CSMD1: variants seen among roughly 807,000 people sequenced by gnomAD.
CSMD1 encodes the protein CUB and Sushi multiple domains 1.
A neutral mutation model predicts 417.5 loss-of-function variants in CSMD1; 213 were observed. The ratio of observed to expected loss-of-function variants is 0.51; its 90% CI spans 0.46 to 0.57. CSMD1 has a LOEUF of 0.57. Among genes scored for constraint, CSMD1 ranks in the 20% least tolerant of loss-of-function variants. The pLI, the probability that CSMD1 is intolerant of heterozygous loss-of-function variation, is 0.00. For synonymous variants in CSMD1, 2,862 were observed against 1,736.8 expected (o/e 1.65, Z -16.11); for missense variants, 6,923 against 4,529.7 (o/e 1.53, Z -15.17).
intron 12 of CSMD1, among the ~76,000 whole-genome samples, chr8:3,409,947 G>C (rs1389021013): frequency 2.0e-5 from 3 of 152,274 alleles, no homozygotes; most frequent in Non-Finnish European, 1.5e-5. Context: ...GCAAATACCA[G>C]TTTAATTTTC....
intron 5 of CSMD1, among the ~76,000 whole-genome samples, chr8:3,798,607 T>G (rs990250145): frequency 3.9e-5 from 6 of 152,106 alleles, no homozygotes; most frequent in African/African-American, 1.2e-4. Flanking sequence ...AATATTAACT[T>G]TGCTTCCATG....
At position 2,978,640 on chromosome 8, in the gene CSMD1, T is replaced by G. The variant is rs950317008; in HGVS notation, c.8538A>C (p.Leu2846Phe). 2 of 1,602,130 alleles carry G rather than the reference T, an allele frequency of 1.2e-6. No individual in the cohort carries two copies. Among genetic ancestry groups the G allele is most frequent in the Admixed American group, 1.7e-5 (1 of 58,346 alleles). ...SSALTCMANG[L>F]WDRSLPKCLA... The stretch of plus-strand genomic sequence containing the variant: ...AACACTTGGGCAGGGATCGGTCCCA[T>G]AAGCCATTTGCCATACAGGTCAAGG... The change falls in exon 55 of 70, where the codon TTA becomes TTC. Residue 2846 changes from leucine (L) to phenylalanine (F), a missense_variant. Transcript: ENST00000635120.
chr8:4,586,820 G>C (rs1018561036), intron 2 of CSMD1, among the ~76,000 whole-genome samples: 11 of 152,162 alleles, frequency 7.2e-5, no homozygotes, highest in African/African-American at 2.4e-4. Flanking sequence ...CTGCACACAG[G>C]TCTGCACGCA....
intron 5 of CSMD1, among the ~76,000 whole-genome samples, chr8:3,786,586 A>C (rs1410479322): frequency 6.6e-6 from 1 of 152,266 alleles, no homozygotes; most frequent in South Asian, 2.1e-4. Context: ...ATGGACAGGA[A>C]AATCGCTGTT....
chr8:3,345,182 C>T (rs1460420060), intron 22 of CSMD1, among the ~76,000 whole-genome samples: 1 of 152,136 alleles, frequency 6.6e-6, no homozygotes, highest in African/African-American at 2.4e-5. Context: ...TAGGTTCATC[C>T]GCTCTCCTGA....
Position 3,997,934 on chromosome 8 carries a change from C to G in CSMD1, c.787G>C (p.Glu263Gln), listed in dbSNP as rs1035834666. 1 of 1,612,466 alleles carries G rather than the reference C, an allele frequency of 6.2e-7. No homozygotes were observed. The highest frequency in any genetic ancestry group is 8.5e-7 in the Non-Finnish European group (1 of 1,179,278). The change falls in exon 5 of 70, where the codon GAG becomes CAG. Residue 263 changes from glutamate (E) to glutamine (Q), a missense_variant. Physicochemically the swap from Glu to Gln is conservative, Grantham distance 29 (BLOSUM62 2). Coordinates refer to ENST00000635120, the MANE Select transcript of CSMD1 (RefSeq NM_033225.6). The part of the protein sequence containing the change: ...FQLEEGYDFL[E>Q]ISGTEAPSIW... ...GATGGAGCTTCCGTGCCACTGATCT[C>G]TAAGAAATCATATCCTTCTTCTAGC...
At chr8:4,599,798 A>G (rs1015388082) in intron 2 of CSMD1, among the ~76,000 whole-genome samples, 1 of 152,214 alleles carries the variant, frequency 6.6e-6, no homozygotes. Flanking sequence ...TAAGCCAAGT[A>G]TATTTCCTAG....
intron 1 of CSMD1, among the ~76,000 whole-genome samples, chr8:4,898,152 C>T (rs1216667251): frequency 6.6e-6 from 1 of 151,998 alleles, no homozygotes; most frequent in Non-Finnish European, 1.5e-5. Flanking sequence ...TATCCTCTGC[C>T]TTCTGATATT....
At chr8:3,706,050 C>A (rs372214659) in intron 7 of CSMD1, among the ~76,000 whole-genome samples, 1 of 152,190 alleles carries the variant, frequency 6.6e-6, no homozygotes, top group Non-Finnish European at 1.5e-5. Context: ...ATGGTGGGAA[C>A]GCCTAAGGCA....
chr8:3,008,866 C>A (rs561687618), intron 52 of CSMD1, among the ~76,000 whole-genome samples: 12 of 152,306 alleles, frequency 7.9e-5, no homozygotes, highest in Middle Eastern at 6.8e-3. Flanking sequence ...ACCTGAGGTA[C>A]TTGTTGGCCG....
chr8:4,474,972 C>A (rs1422536735), intron 2 of CSMD1, among the ~76,000 whole-genome samples: 1 of 152,128 alleles, frequency 6.6e-6, no homozygotes, highest in Non-Finnish European at 1.5e-5. Flanking sequence ...TGGTCAACTA[C>A]AGGCTGTTAG....
chr8:4,634,484 T>G (rs1802712663), intron 2 of CSMD1, among the ~76,000 whole-genome samples: 1 of 152,188 alleles, frequency 6.6e-6, no homozygotes, highest in South Asian at 2.1e-4. Flanking sequence ...TAATGCACAT[T>G]TTAAACTTCT....
chr8:3,792,171 G>A (rs554878313), intron 5 of CSMD1, among the ~76,000 whole-genome samples: 3 of 152,226 alleles, frequency 2.0e-5, no homozygotes, highest in East Asian at 1.9e-4. Context: ...GTGCACACGT[G>A]TAGTCCCAGC....
intron 1 of CSMD1, among the ~76,000 whole-genome samples, chr8:4,925,220 T>TTTC: frequency 7.5e-6 from 1 of 132,606 alleles, no homozygotes; most frequent in African/African-American, 2.8e-5. Context: ...TTATGGTTTT[T>TTTC]TTTTTTTTTT....
At chr8:4,405,972 C>T (rs1031658954) in intron 3 of CSMD1, among the ~76,000 whole-genome samples, 1 of 152,152 alleles carries the variant, frequency 6.6e-6, no homozygotes. Flanking sequence ...GCTCGCCTGT[C>T]CTGTAACAGA....
intron 42 of CSMD1, among the ~76,000 whole-genome samples, chr8:3,114,164 A>G (rs750956925): frequency 2.4e-4 from 36 of 152,292 alleles, no homozygotes; most frequent in Non-Finnish European, 4.6e-4. Flanking sequence ...GGATTGCTTG[A>G]GCCTGGCAGG....
At chr8:3,028,184 C>A (rs187475364) in intron 51 of CSMD1, among the ~76,000 whole-genome samples, 2 of 152,270 alleles carry the variant, frequency 1.3e-5, no homozygotes, top group Admixed American at 6.5e-5. Context: ...GGTTTGAAAT[C>A]GACAAGATGA....
At chr8:4,284,156 T>A (rs920404568) in intron 3 of CSMD1, among the ~76,000 whole-genome samples, 8 of 152,088 alleles carry the variant, frequency 5.3e-5, no homozygotes, top group African/African-American at 1.9e-4. Context: ...TCACCTGAGG[T>A]CAGGAGTTCC....
intron 39 of CSMD1, 137 bp from the exon 40 acceptor site, chr8:3,151,650 T>C (rs1352537709): frequency 1.6e-6 from 1 of 607,988 alleles, no homozygotes; most frequent in Non-Finnish European, 3.0e-6. Context: ...CAGCACACGA[T>C]ACAATGCTGT....
Sources: gnomAD v4.1 joint callset for allele counts (sites outside exome capture counted in the v4.1 genomes callset) on GRCh38, gnomAD v4.1.1 for gene constraint, MANE v1.5 for transcripts, NCBI Gene and HGNC (gene_info 2026-07-23, HGNC 2026-07-21) for gene names.